Variants in CNTNAP5 observed in about 807,000 individuals in gnomAD.
The protein encoded by CNTNAP5 is contactin-associated protein-like 5.
A neutral mutation model predicts 150.2 loss-of-function variants in CNTNAP5; 72 were observed. That is an observed-to-expected ratio of 0.48 (90% CI 0.40 to 0.58). CNTNAP5 has a LOEUF of 0.58. CNTNAP5 is among the 20% of genes least tolerant of loss of function. The pLI, the probability that CNTNAP5 is intolerant of heterozygous loss-of-function variation, is 0.00. For missense variants in CNTNAP5, 1,636 were observed against 1,626.2 expected (o/e 1.01, Z -0.10); for synonymous variants, 672 against 619.8 (o/e 1.08, Z -1.25).
intron 1 of CNTNAP5, among the ~76,000 whole-genome samples, chr2:124,186,229 C>T (rs1024008924): frequency 1.3e-5 from 2 of 152,192 alleles, no homozygotes; most frequent in Non-Finnish European, 2.9e-5. Flanking sequence ...TGTCTGTGTA[C>T]GTGCTGTGCA....
intron 2 of CNTNAP5, among the ~76,000 whole-genome samples, chr2:124,227,420 C>G (rs1686487384): frequency 6.6e-6 from 1 of 152,120 alleles, no homozygotes; most frequent in African/African-American, 2.4e-5. Flanking sequence ...CACACACTCC[C>G]TCTCTCCCTC....
Position 124,918,941 on chromosome 2 carries a change from C to G in CNTNAP5, c.*4653C>G, listed in dbSNP as rs564217521. 6.6e-6 allele frequency among the ~76,000 whole-genome samples: 1 copy of G among 152,074 alleles called. No individual in the cohort carries two copies. Among genetic ancestry groups the G allele is most frequent in the African/African-American group, 2.4e-5 (1 of 41,428 alleles). The stretch of plus-strand genomic sequence containing the variant: ...GTTTGAACATGTTTTCTTTAAAATA[C>G]ACATAATGTAATTGAATTATTTCTA... On this transcript the variant is annotated 3_prime_UTR_variant, in exon 24 of 24. Coordinates refer to ENST00000682447, the MANE Select transcript of CNTNAP5 (RefSeq NM_001367498.1).
At chr2:124,190,540 G>A (rs199567684) in intron 1 of CNTNAP5, among the ~76,000 whole-genome samples, 1 of 152,100 alleles carries the variant, frequency 6.6e-6, no homozygotes, top group East Asian at 1.9e-4. Flanking sequence ...CCACTTCCTG[G>A]TATTTCAATT....
At chr2:124,782,941 T>C (rs1681484913) in intron 17 of CNTNAP5, among the ~76,000 whole-genome samples, 1 of 152,206 alleles carries the variant, frequency 6.6e-6, no homozygotes, top group African/African-American at 2.4e-5. Flanking sequence ...ATGAAATGTT[T>C]CTCACACCAG....
At chr2:124,161,004 T>C (rs1256844089) in intron 1 of CNTNAP5, among the ~76,000 whole-genome samples, 1 of 152,100 alleles carries the variant, frequency 6.6e-6, no homozygotes, top group Non-Finnish European at 1.5e-5. Flanking sequence ...AAAATGCATA[T>C]ACAATGATAA....
intron 21 of CNTNAP5, among the ~76,000 whole-genome samples, chr2:124,886,311 G>A (rs1216068725): frequency 6.6e-6 from 1 of 152,034 alleles, no homozygotes; most frequent in Admixed American, 6.6e-5. Flanking sequence ...TAGACTTGGG[G>A]CAAGTGGTGG....
chr2:124,167,488 A>C (rs1216499482), intron 1 of CNTNAP5, among the ~76,000 whole-genome samples: 1 of 152,212 alleles, frequency 6.6e-6, no homozygotes, highest in African/African-American at 2.4e-5. Context: ...TTCTTGAAAA[A>C]AACACTTTTC....
At chr2:124,305,264 T>TA (rs1287202108) in intron 3 of CNTNAP5, among the ~76,000 whole-genome samples, 6,051 of 136,890 alleles carry the variant, frequency 0.044, 401 homozygotes, top group African/African-American at 0.15. Flanking sequence ...GATGACAGTC[T>TA]AAAAAAAAAA....
chr2:124,660,098 G>A (rs972867089), intron 13 of CNTNAP5, among the ~76,000 whole-genome samples: 1 of 151,974 alleles, frequency 6.6e-6, no homozygotes, highest in Admixed American at 6.6e-5. Context: ...GAGATAGGAA[G>A]GAAGATGGAG....
chr2:124,430,669 CTG>C (rs973397659), intron 4 of CNTNAP5, among the ~76,000 whole-genome samples: 15 of 152,120 alleles, frequency 9.9e-5, no homozygotes, highest in African/African-American at 3.6e-4. Context: ...ACGTTAAAAA[CTG>C]TGTCAGGTGA....
chr2:124,298,868 A>G (rs1688504187), intron 3 of CNTNAP5, among the ~76,000 whole-genome samples: 1 of 152,146 alleles, frequency 6.6e-6, no homozygotes. Context: ...TGTTTAACTT[A>G]ACCACTTAGT....
chr2:124,766,200 GC>G (rs1334238425), intron 16 of CNTNAP5, among the ~76,000 whole-genome samples: 1 of 152,012 alleles, frequency 6.6e-6, no homozygotes, highest in East Asian at 1.9e-4. Context: ...CCACCACCTT[GC>G]CCTTGTTATT....
At chr2:124,492,017 G>A (rs976698165) in intron 7 of CNTNAP5, among the ~76,000 whole-genome samples, 4 of 151,902 alleles carry the variant, frequency 2.6e-5, no homozygotes, top group Non-Finnish European at 5.9e-5. Context: ...ATTTTGTATA[G>A]TACCCTCTTA....
intron 16 of CNTNAP5, among the ~76,000 whole-genome samples, chr2:124,769,234 T>C (rs1681136658): frequency 6.6e-6 from 1 of 152,154 alleles, no homozygotes; most frequent in South Asian, 2.1e-4. Context: ...TAGCAGCTTC[T>C]TCTCATCTCC....
intron 3 of CNTNAP5, among the ~76,000 whole-genome samples, chr2:124,382,676 TA>T (rs550298659): frequency 4.6e-5 from 7 of 152,252 alleles, no homozygotes; most frequent in Non-Finnish European, 1.0e-4. Context: ...GAAGAGAGAT[TA>T]TTTGCAAGAA....
At chr2:124,467,285 G>T (rs1693399963) in intron 6 of CNTNAP5, among the ~76,000 whole-genome samples, 1 of 151,550 alleles carries the variant, frequency 6.6e-6, no homozygotes, top group Non-Finnish European at 1.5e-5. Context: ...CAGCTATGCT[G>T]CCAGATGAAT....
chr2:124,254,493 G>T (rs1687261324), intron 3 of CNTNAP5, among the ~76,000 whole-genome samples: 1 of 152,188 alleles, frequency 6.6e-6, no homozygotes, highest in African/African-American at 2.4e-5. Context: ...GGAAGCATCT[G>T]CCATGCTTGT....
chr2:124,647,084 C>T (rs2105026823), intron 12 of CNTNAP5, among the ~76,000 whole-genome samples: 1 of 152,324 alleles, frequency 6.6e-6, no homozygotes, highest in South Asian at 2.1e-4. Context: ...AATATCTCCC[C>T]TCTCTCACTG....
chr2:124,152,105 G>T (rs1224232706), intron 1 of CNTNAP5, among the ~76,000 whole-genome samples: 1 of 152,164 alleles, frequency 6.6e-6, no homozygotes, highest in African/African-American at 2.4e-5. Context: ...AAAAGAAAGT[G>T]CAGTCTGAGA....
Sources: allele counts gnomAD v4.1 joint callset (sites outside exome capture counted in the v4.1 genomes callset), GRCh38; gene constraint gnomAD v4.1.1; transcripts MANE v1.5; gene names NCBI Gene and HGNC (gene_info 2026-07-23, HGNC 2026-07-21).